ST6GALNAC3: variants seen among roughly 807,000 people sequenced by gnomAD.
ST6GALNAC3 encodes the protein alpha-N-acetylgalactosaminide alpha-2,6-sialyltransferase 3.
Under a neutral mutation model 32.7 loss-of-function variants are expected in ST6GALNAC3, and 25 were observed. That is an observed-to-expected ratio of 0.76 (90% confidence interval 0.56 to 1.07). ST6GALNAC3 has a LOEUF of 1.07. Among genes scored for constraint, ST6GALNAC3 ranks in the 50% least tolerant of loss-of-function variants. The pLI is 0.00. For missense variants in ST6GALNAC3, 355 were observed against 382.4 expected (o/e 0.93, Z 0.60); for synonymous variants, 129 against 133.1 (o/e 0.97, Z 0.21).
chr1:76,564,894 C>T (rs542104189), intron 3 of ST6GALNAC3, among the ~76,000 whole-genome samples: 14 of 152,072 alleles, frequency 9.2e-5, no homozygotes, highest in Admixed American at 9.2e-4. Context: ...TGAAACTGAT[C>T]TAATTTTGAT....
chr1:76,538,444 T>C (rs1030232310), intron 3 of ST6GALNAC3, among the ~76,000 whole-genome samples: 3 of 152,062 alleles, frequency 2.0e-5, no homozygotes, highest in African/African-American at 7.2e-5. Context: ...GAAGCATTCC[T>C]TTTGCAAACC....
At chr1:76,332,797 GTATACTT>G (rs1426605196) in intron 2 of ST6GALNAC3, among the ~76,000 whole-genome samples, 1 of 152,080 alleles carries the variant, frequency 6.6e-6, no homozygotes, top group Non-Finnish European at 1.5e-5. Flanking sequence ...AAATTATACA[GTATACTT>G]TATATTTAAT....
chr1:76,204,912 T>A (rs1654736071), intron 1 of ST6GALNAC3, among the ~76,000 whole-genome samples: 1 of 152,194 alleles, frequency 6.6e-6, no homozygotes, highest in African/African-American at 2.4e-5. Context: ...TAGGGTTCTT[T>A]CGCAGACTTA....
intron 1 of ST6GALNAC3, among the ~76,000 whole-genome samples, chr1:76,083,179 T>C (rs972981246): frequency 2.6e-5 from 4 of 152,234 alleles, no homozygotes; most frequent in African/African-American, 9.6e-5. Flanking sequence ...ATATTCTGGG[T>C]TGGAAATGAG....
chr1:76,408,192 T>A (rs1191865371), intron 2 of ST6GALNAC3, among the ~76,000 whole-genome samples: 1 of 152,060 alleles, frequency 6.6e-6, no homozygotes, highest in Non-Finnish European at 1.5e-5. Context: ...CACACTCTTG[T>A]CATACTTTAA....
intron 3 of ST6GALNAC3, among the ~76,000 whole-genome samples, chr1:76,573,461 TC>T: frequency 6.6e-6 from 1 of 152,106 alleles, no homozygotes; most frequent in South Asian, 2.1e-4. Flanking sequence ...CAGGGAGCAA[TC>T]CCCTGCCCTG....
At chr1:76,172,716 T>C (rs1652601446) in intron 1 of ST6GALNAC3, among the ~76,000 whole-genome samples, 1 of 152,036 alleles carries the variant, frequency 6.6e-6, no homozygotes, top group South Asian at 2.1e-4. Context: ...AGCCAAATCA[T>C]GAATGAACTC....
At chr1:76,283,048 G>GA (rs111423971) in intron 1 of ST6GALNAC3, among the ~76,000 whole-genome samples, 51,860 of 148,230 alleles carry the variant, frequency 0.35, 9,352 homozygotes, top group Non-Finnish European at 0.4. Context: ...GCCTCAAAAA[G>GA]AAAAAAAAAA....
At chr1:76,117,641 C>A (rs1329334999) in intron 1 of ST6GALNAC3, among the ~76,000 whole-genome samples, 1 of 152,158 alleles carries the variant, frequency 6.6e-6, no homozygotes, top group African/African-American at 2.4e-5. Flanking sequence ...AATAAACAGT[C>A]CTTGCCAACC....
chr1:76,403,581 T>C (rs1189111443), intron 2 of ST6GALNAC3, among the ~76,000 whole-genome samples: 2 of 152,144 alleles, frequency 1.3e-5, no homozygotes, highest in Admixed American at 6.6e-5. Flanking sequence ...AAATTGTCTG[T>C]CTTATTTGGT....
chr1:76,505,431 A>G (rs534140719), intron 3 of ST6GALNAC3, among the ~76,000 whole-genome samples: 10 of 152,144 alleles, frequency 6.6e-5, no homozygotes, highest in East Asian at 1.9e-4. Context: ...CACCAAAACT[A>G]TTTTTAAAAT....
chr1:76,419,848 ACTT>A (rs1031848231), intron 3 of ST6GALNAC3, among the ~76,000 whole-genome samples: 1 of 151,858 alleles, frequency 6.6e-6, no homozygotes, highest in African/African-American at 2.4e-5. Flanking sequence ...CTGTAAACAG[ACTT>A]CTTATTAGAT....
At chr1:76,297,780 G>A (rs1178453300) in intron 1 of ST6GALNAC3, among the ~76,000 whole-genome samples, 1 of 151,964 alleles carries the variant, frequency 6.6e-6, no homozygotes, top group East Asian at 1.9e-4. Context: ...ATTTTATCAT[G>A]TCTATTATAC....
intron 3 of ST6GALNAC3, among the ~76,000 whole-genome samples, chr1:76,590,445 T>C (rs1005173747): frequency 2.0e-5 from 3 of 152,194 alleles, no homozygotes; most frequent in Non-Finnish European, 4.4e-5. Context: ...AAGAACCATA[T>C]ATTAGAAAAG....
chr1:76,613,156 T>A (rs957962846), intron 3 of ST6GALNAC3, among the ~76,000 whole-genome samples: 2 of 152,258 alleles, frequency 1.3e-5, no homozygotes, highest in Admixed American at 6.5e-5. Context: ...TTTCTGAGAG[T>A]TTGCTTTGCA....
chr1:76,182,751 G>A (rs1408021001), intron 1 of ST6GALNAC3, among the ~76,000 whole-genome samples: 2 of 152,026 alleles, frequency 1.3e-5, no homozygotes, highest in African/African-American at 4.8e-5. Flanking sequence ...TTGATATACT[G>A]GTTGATGCTT....
At chr1:76,205,247 GAAATGCTTCC>G (rs1654755664) in intron 1 of ST6GALNAC3, among the ~76,000 whole-genome samples, 1 of 151,030 alleles carries the variant, frequency 6.6e-6, no homozygotes, top group African/African-American at 2.4e-5. Flanking sequence ...CTCCCTGAGT[GAAATGCTTCC>G]AAATGCCCTG....
At chr1:76,353,067 T>G (rs75795847) in intron 2 of ST6GALNAC3, among the ~76,000 whole-genome samples, 31,718 of 152,076 alleles carry the variant, frequency 0.21, 3,773 homozygotes, top group Non-Finnish European at 0.27. Context: ...ATCTCTTAAA[T>G]ATACAACTAG....
At chr1:76,153,170 G>A (rs563628145) in intron 1 of ST6GALNAC3, among the ~76,000 whole-genome samples, 13 of 152,254 alleles carry the variant, frequency 8.5e-5, no homozygotes, top group Non-Finnish European at 1.3e-4. Flanking sequence ...CTTCTGATAG[G>A]TGGAAAATGA....
Sources: allele counts gnomAD v4.1 joint callset (sites outside exome capture counted in the v4.1 genomes callset), GRCh38; gene constraint gnomAD v4.1.1; transcripts MANE v1.5; gene names NCBI Gene and HGNC (gene_info 2026-07-23, HGNC 2026-07-21).